The following TBCEL variants were observed in gnomAD, a reference collection of about 807,000 sequenced individuals.
TBCEL encodes tubulin-specific chaperone cofactor E-like protein.
Under a neutral mutation model 44.2 loss-of-function variants are expected in TBCEL, and 15 were observed. The observed-to-expected ratio is 0.34, with a 90% CI of 0.23 to 0.52. The LOEUF (loss-of-function observed/expected upper bound fraction) is 0.52, where lower values mean the gene tolerates loss of function less well. Ranked by LOEUF, TBCEL falls within the 20% of genes least tolerant of loss-of-function variation. The pLI, the probability that TBCEL is intolerant of heterozygous loss-of-function variation, is 0.95. For synonymous variants in TBCEL, 171 were observed against 185.4 expected, an observed-to-expected ratio of 0.92 and a Z score of 0.63; for missense variants, 319 against 506.3, an observed-to-expected ratio of 0.63 and a Z score of 3.55.
chr11:121,045,764 G>A lies in TBCEL; in HGVS notation c.74G>A (p.Arg25His). ...EKYSPENFPY[R>H]RGPGMGVHVP... ...TATAGTCCTGAAAATTTTCCTTATC[G>A]CCGTGGCCCGGGGATGGGAGTCCAT... Residue 25 changes from arginine to histidine, a missense_variant, in exon 3 of 9, where the codon CGC becomes CAC. Physicochemically the swap from Arg to His is conservative, Grantham distance 29 (BLOSUM62 0). Coordinates refer to ENST00000683345, the MANE Select transcript of TBCEL (RefSeq NM_001363644.2). 5 of 1,611,224 alleles carry A rather than the reference G, an allele frequency of 3.1e-6. No homozygotes were observed. Among genetic ancestry groups the A allele is most frequent in the Non-Finnish European group, 4.2e-6 (5 of 1,178,988 alleles).
intron 1 of TBCEL, 94 bp from the exon 2 acceptor site, chr11:121,036,411 G>A (rs1030930784): frequency 6.6e-6 from 1 of 152,340 alleles, no homozygotes; most frequent in African/African-American, 2.4e-5. Flanking sequence ...AGTCTCCTTG[G>A]AAGCCCTTGG....
At chr11:121,066,049 A>G (rs1945814282) in intron 8 of TBCEL, among the ~76,000 whole-genome samples, 2 of 152,246 alleles carry the variant, frequency 1.3e-5, no homozygotes, top group Non-Finnish European at 1.5e-5. Context: ...GTAAAAGAAT[A>G]ATGAATACTG....
chr11:121,044,476 T>C (rs1945393442), intron 2 of TBCEL, among the ~76,000 whole-genome samples: 1 of 152,154 alleles, frequency 6.6e-6, no homozygotes, highest in Admixed American at 6.6e-5. Context: ...ATATATACCA[T>C]AATACATTTT....
At chr11:121,064,046 TC>T (rs986977358) in intron 8 of TBCEL, among the ~76,000 whole-genome samples, 1 of 152,228 alleles carries the variant, frequency 6.6e-6, no homozygotes, top group Non-Finnish European at 1.5e-5. Context: ...GGATGATTTT[TC>T]CTAGTAATTT....
intron 8 of TBCEL, among the ~76,000 whole-genome samples, chr11:121,071,927 C>G (rs758651008): frequency 2.6e-5 from 4 of 152,098 alleles, no homozygotes; most frequent in Non-Finnish European, 5.9e-5. Context: ...GGACATGAGT[C>G]TCCTGGGGTT....
At chr11:121,066,803 A>G (rs1945829462) in intron 8 of TBCEL, among the ~76,000 whole-genome samples, 1 of 152,218 alleles carries the variant, frequency 6.6e-6, no homozygotes, top group Non-Finnish European at 1.5e-5. Flanking sequence ...TGAATAGCAC[A>G]TAGTACTGTG....
At chr11:121,075,384 C>T (rs1441650141) in intron 8 of TBCEL, among the ~76,000 whole-genome samples, 2 of 151,874 alleles carry the variant, frequency 1.3e-5, no homozygotes, top group Non-Finnish European at 2.9e-5. Context: ...TTGAGAAAAG[C>T]TTAGTGTTGG....
chr11:121,067,015 G>C (rs546391211), intron 8 of TBCEL, among the ~76,000 whole-genome samples: 2 of 152,060 alleles, frequency 1.3e-5, no homozygotes, highest in Admixed American at 6.6e-5. Context: ...TTCCTAGCTC[G>C]GTTCCCCGAG....
intron 8 of TBCEL, among the ~76,000 whole-genome samples, chr11:121,078,050 GTCTT>G: frequency 6.6e-6 from 1 of 151,760 alleles, no homozygotes; most frequent in Non-Finnish European, 1.5e-5. Flanking sequence ...TTAGAATATG[GTCTT>G]TCTTGGTCAG....
chr11:121,076,632 T>C (rs1327897620), intron 8 of TBCEL, among the ~76,000 whole-genome samples: 1 of 152,026 alleles, frequency 6.6e-6, no homozygotes, highest in Non-Finnish European at 1.5e-5. Context: ...TTCCAACCAG[T>C]ATGACTTTTT....
intron 8 of TBCEL, among the ~76,000 whole-genome samples, chr11:121,065,823 C>A (rs1416605134): frequency 6.6e-6 from 1 of 152,218 alleles, no homozygotes; most frequent in Non-Finnish European, 1.5e-5. Context: ...TCCATGTGAC[C>A]ACAGGTGATA....
At chr11:121,072,055 C>G (rs1030883251) in intron 8 of TBCEL, among the ~76,000 whole-genome samples, 3 of 152,168 alleles carry the variant, frequency 2.0e-5, no homozygotes, top group Non-Finnish European at 4.4e-5. Flanking sequence ...CCTTCGTGCA[C>G]CATGGAGAGC....
chr11:121,089,330 G>A lies in TBCEL; in HGVS notation c.*2234G>A, dbSNP rs1208897246. The A allele has an allele frequency of 6.6e-6, 1 of 152,196 alleles. No homozygotes were observed. The highest frequency in any genetic ancestry group is 2.4e-5 in the African/African-American group (1 of 41,454). 9.4% of individuals were successfully genotyped at this position (152,196 alleles called of 1,614,324 possible). A position where few individuals can be genotyped will look rare whatever the true frequency, so the allele number is the denominator to read the frequency against. Reference sequence around the variant, plus strand: ...GTTTCTTCTGTTATTACAGAACACAGTGTTTATCAACTGCGGACATAATTC... The same window carrying A: ...GTTTCTTCTGTTATTACAGAACACAATGTTTATCAACTGCGGACATAATTC... On this transcript the variant is annotated 3_prime_UTR_variant, in exon 9 of 9. Transcript: ENST00000683345.
chr11:121,063,603 T>C (rs950734798), intron 8 of TBCEL, among the ~76,000 whole-genome samples: 1 of 152,188 alleles, frequency 6.6e-6, no homozygotes, highest in African/African-American at 2.4e-5. Flanking sequence ...AAAGGAAAGT[T>C]AAAGTTCACA....
At chr11:121,053,767 G>T (rs1315623070) in intron 5 of TBCEL, 35 bp downstream of exon 5, 1 of 1,603,038 alleles carries the variant, frequency 6.2e-7, no homozygotes, top group Non-Finnish European at 8.5e-7. Context: ...AGGGAGTTAT[G>T]TTGCCATCTG....
At chr11:121,031,305 G>A (rs1945139305) in intron 1 of TBCEL, among the ~76,000 whole-genome samples, 2 of 152,088 alleles carry the variant, frequency 1.3e-5, no homozygotes, top group African/African-American at 4.8e-5. Flanking sequence ...TACTCCCACT[G>A]GCTACATTGC....
intron 3 of TBCEL, 111 bp from the exon 4 acceptor site, chr11:121,047,417 A>C: frequency 7.8e-7 from 1 of 1,282,696 alleles, no homozygotes; most frequent in South Asian, 1.4e-5. Context: ...CTAGATCCTT[A>C]TGTAATTTCA....
chr11:121,049,692 A>G (rs549653672), intron 4 of TBCEL, among the ~76,000 whole-genome samples: 96 of 151,918 alleles, frequency 6.3e-4, no homozygotes, highest in South Asian at 1.9e-3. Context: ...GTTTCTTTGG[A>G]AATACAAAAT....
chr11:121,070,552 A>G (rs1469195133), intron 8 of TBCEL, among the ~76,000 whole-genome samples: 3 of 152,192 alleles, frequency 2.0e-5, no homozygotes, highest in Non-Finnish European at 4.4e-5. Context: ...TGTCCTTTGT[A>G]GGGACTTGGA....
Sources: allele counts gnomAD v4.1 joint callset (sites outside exome capture counted in the v4.1 genomes callset), GRCh38; gene constraint gnomAD v4.1.1; transcripts MANE v1.5; gene names NCBI Gene and HGNC (gene_info 2026-07-23, HGNC 2026-07-21).